Variants in FANCI observed in about 807,000 individuals in gnomAD.
FANCI encodes the protein FA complementation group I, also known as Fanconi anemia group I protein.
Under a neutral mutation model 176.1 loss-of-function variants are expected in FANCI, and 156 were observed. The observed-to-expected ratio is 0.89, with a 90% confidence interval of 0.78 to 1.01. The LOEUF is 1.01. FANCI is among the 50% of genes least tolerant of loss of function. The pLI, the probability that FANCI is intolerant of heterozygous loss-of-function variation, is 0.00. For missense variants in FANCI, 1,678 were observed against 1,534.1 expected, an observed-to-expected ratio of 1.09 and a Z score of -1.57; for synonymous variants, 613 against 541.7, an observed-to-expected ratio of 1.13 and a Z score of -1.83.
Position 89,281,894 on chromosome 15 carries a change from TTA to T in FANCI, c.1583+61_1583+62del, listed in dbSNP as rs940293603. 25 of 1,479,674 alleles carry T rather than the reference TTA, an allele frequency of 1.7e-5. No individual in the cohort carries two copies. In the African/African-American group the frequency reaches 3.0e-4, roughly 18 times the overall value. 91.7% of individuals were successfully genotyped at this position (1,479,674 alleles called of 1,614,324 possible). A position where few individuals can be genotyped will look rare whatever the true frequency, so the allele number is the denominator to read the frequency against. On this transcript the variant is annotated intron_variant, in intron 16 of 37. Coordinates refer to ENST00000310775, the MANE Select transcript of FANCI (RefSeq NM_001113378.2). ...TTGTCTTCTAATGTTGGAGCTAAAGTTATCTCTGCCATCTCCTAGTACCACCT... is the reference window on the plus strand; with the variant it reads ...TTGTCTTCTAATGTTGGAGCTAAAGTTCTCTGCCATCTCCTAGTACCACCT...
intron 27 of FANCI, among the ~76,000 whole-genome samples, 165 bp downstream of exon 27, chr15:89,301,607 C>T (rs1257317291): frequency 1.3e-5 from 2 of 152,300 alleles, no homozygotes; most frequent in Non-Finnish European, 2.9e-5. Context: ...TGTATTCTTT[C>T]CTGTGTAATG....
chr15:89,304,380 TA>T (rs1432488874), intron 28 of FANCI, among the ~76,000 whole-genome samples: 2 of 152,188 alleles, frequency 1.3e-5, no homozygotes, highest in African/African-American at 2.4e-5. Context: ...CTCACAAATG[TA>T]CTGTAAAACA....
intron 26 of FANCI, among the ~76,000 whole-genome samples, chr15:89,301,016 G>C (rs2054507100): frequency 6.6e-6 from 1 of 152,228 alleles, no homozygotes; most frequent in African/African-American, 2.4e-5. Context: ...CTAAGCCTGA[G>C]ATCAATGGAT....
In FANCI at chr15:89,275,083, C is replaced by CTTTT. The variant is rs530017776; in HGVS notation, c.1112+796_1112+799dup. Among the ~76,000 whole-genome samples the CTTTT allele has an allele frequency of 4.0e-4, 46 of 114,974 alleles. 1 individual carries two copies. Among genetic ancestry groups the CTTTT allele is most frequent in the African/African-American group, 6.1e-4 (19 of 31,380 alleles). The allele number at this position is 114,974 out of a possible 152,430, so 75.4% of individuals were successfully genotyped here. On this transcript the variant is annotated intron_variant, in intron 12 of 37. Coordinates refer to ENST00000310775, the MANE Select transcript of FANCI (RefSeq NM_001113378.2). ...CCCTGTGCCTGGCTTGGCCTTTCTT[C>CTTTT]TTTTTTTTTTTTTTTTTTTTCTGAA... is the stretch of plus-strand genomic sequence containing the variant.
In FANCI at chr15:89,314,605, C is replaced by T. The variant is rs1434575390; in HGVS notation, c.3721-7C>T. The T allele has an allele frequency of 1.2e-6, 2 of 1,608,080 alleles. No individual in the cohort carries two copies. The highest frequency in any genetic ancestry group is 3.3e-5 in the Admixed American group (2 of 60,014). On this transcript the variant is annotated splice_polypyrimidine_tract_variant and splice_region_variant and intron_variant, in intron 35 of 37. Transcript: ENST00000310775. ...TGAAATTTAAGTCTTATGTTCTTTG[C>T]CCTTAGGCCAGAGTTCTTCGGGAAA...
chr15:89,295,580 T>C (rs2151763643), intron 24 of FANCI, among the ~76,000 whole-genome samples: 1 of 152,112 alleles, frequency 6.6e-6, no homozygotes, highest in South Asian at 2.1e-4. Context: ...GCAGGAGAAT[T>C]GCTCGAACCT....
rs770321039 is a variant in FANCI, at chr15:89,263,944, A to C, written c.587A>C (p.Glu196Ala). Residue 196 changes from glutamate (E) to alanine (A), a missense_variant, in exon 8 of 38, where the codon GAA becomes GCA. Coordinates refer to ENST00000310775, the MANE Select transcript of FANCI (RefSeq NM_001113378.2). The part of the protein sequence containing the change: ...LTAEEVEFVV[E>A]KALSMFSKMN... Reference sequence around the variant, plus strand: ...GCAGAAGAGGTGGAATTTGTGGTGGAAAAAGCATTGAGCATGTTCTCCAAG... The same window carrying C: ...GCAGAAGAGGTGGAATTTGTGGTGGCAAAAGCATTGAGCATGTTCTCCAAG... 1.9e-5 allele frequency: 31 copies of C among 1,614,004 alleles called. No homozygotes were observed. In the South Asian group the frequency reaches 3.2e-4, roughly 17 times the overall value.
intron 18 of FANCI, among the ~76,000 whole-genome samples, chr15:89,285,729 G>GT (rs2053790082): frequency 7.5e-6 from 1 of 133,404 alleles, no homozygotes; most frequent in Non-Finnish European, 1.7e-5. Flanking sequence ...TTAAGACTAA[G>GT]TCCTTTTTTT....
At chr15:89,300,029 T>G in intron 25 of FANCI, 63 bp downstream of exon 25, 1 of 1,568,752 alleles carries the variant, frequency 6.4e-7, no homozygotes, top group Non-Finnish European at 8.8e-7. Flanking sequence ...AACCCCTTAA[T>G]TCCATTTGTT....
chr15:89,313,852 C>G (rs185521947), intron 35 of FANCI, among the ~76,000 whole-genome samples: 2 of 151,628 alleles, frequency 1.3e-5, no homozygotes, highest in South Asian at 2.1e-4. Context: ...GAATTATCTC[C>G]AAGATAATGT....
At chr15:89,273,510 GTAAAAAAAAAA>G (rs1241400304) in intron 11 of FANCI, 41 bp downstream of exon 11, 6 of 660,468 alleles carry the variant, frequency 9.1e-6, no homozygotes, top group African/African-American at 8.2e-5. Context: ...TCTGTAGTTG[GTAAAAAAAAAA>G]AAAAAAAAAA....
chr15:89,267,154 C>G (rs923545756), intron 9 of FANCI, among the ~76,000 whole-genome samples: 1 of 151,972 alleles, frequency 6.6e-6, no homozygotes, highest in African/African-American at 2.4e-5. Context: ...AAACCTATCT[C>G]TACAAAAAGT....
At chr15:89,301,255 C>G in intron 26 of FANCI, 71 bp from the exon 27 acceptor site, 1 of 969,712 alleles carries the variant, frequency 1.0e-6, no homozygotes, top group Non-Finnish European at 1.7e-6. Context: ...GAGTCTCTGA[C>G]TAGATGCCTC....
At chr15:89,274,654 G>T (rs1413319261) in intron 12 of FANCI, among the ~76,000 whole-genome samples, 2 of 135,386 alleles carry the variant, frequency 1.5e-5, no homozygotes, top group Non-Finnish European at 3.0e-5. Flanking sequence ...ACCGAGGCTG[G>T]AGTGTAGTGC....
chr15:89,258,969 G>T, intron 3 of FANCI, 193 bp downstream of exon 3: 1 of 568,578 alleles, frequency 1.8e-6, no homozygotes, highest in South Asian at 2.0e-5. Flanking sequence ...GTTTGAAGTG[G>T]CTACCTGAGA....
chr15:89,308,323 A>G lies in FANCI; in HGVS notation c.3651+651A>G, dbSNP rs544156601. 38 of 276,930 alleles carry G rather than the reference A, an allele frequency of 1.4e-4. 2 individuals are homozygous for G. The South Asian group carries it at 5.0e-3, about 36-fold the overall frequency. 17.2% of individuals were successfully genotyped at this position (276,930 alleles called of 1,614,324 possible). A position where few individuals can be genotyped will look rare whatever the true frequency, so the allele number is the denominator to read the frequency against. The stretch of plus-strand genomic sequence containing the variant: ...TTTTAACAGCCAAAAATGTCTCCAG[A>G]AATTGCCAGTTGTCCTTAAGGGACA... On this transcript the variant is annotated intron_variant, in intron 34 of 37. Coordinates refer to ENST00000310775, the MANE Select transcript of FANCI (RefSeq NM_001113378.2).
At position 89,317,120 on chromosome 15, in the gene FANCI, T is replaced by C; in HGVS notation, c.*661T>C. On this transcript the variant is annotated 3_prime_UTR_variant, in exon 38 of 38. Transcript: ENST00000310775. ...AGAATGCACTCTATAGAATAAATTATCTTTAAACATTTCTTCTGTGGTTGA... is the reference window on the plus strand; with the variant it reads ...AGAATGCACTCTATAGAATAAATTACCTTTAAACATTTCTTCTGTGGTTGA... The C allele has an allele frequency of 1.7e-6, 1 of 591,750 alleles. No individual in the cohort carries two copies. The highest frequency in any genetic ancestry group is 2.0e-5 in the South Asian group (1 of 49,590). The allele number at this position is 591,750 out of a possible 1,614,324, so 36.7% of individuals were successfully genotyped here.
chr15:89,312,684 G>A (rs1007594933), intron 34 of FANCI, among the ~76,000 whole-genome samples: 2 of 152,136 alleles, frequency 1.3e-5, no homozygotes, highest in Non-Finnish European at 2.9e-5. Context: ...GCTGAGTGTG[G>A]TGGCACGTGC....
chr15:89,301,586 G>C (rs1409541734), intron 27 of FANCI, 144 bp downstream of exon 27: 5 of 742,172 alleles, frequency 6.7e-6, no homozygotes, highest in Non-Finnish European at 1.2e-5. Flanking sequence ...GTTAATATAA[G>C]ACCTATAAGA....
Sources: allele counts gnomAD v4.1 joint callset (sites outside exome capture counted in the v4.1 genomes callset), GRCh38; gene constraint gnomAD v4.1.1; transcripts MANE v1.5; gene names NCBI Gene and HGNC (gene_info 2026-07-23, HGNC 2026-07-21).